EGFLAM: variants seen among roughly 807,000 people sequenced by gnomAD.
The protein encoded by EGFLAM is pikachurin.
A neutral mutation model predicts 113.1 loss-of-function variants in EGFLAM; 79 were observed. The observed-to-expected ratio is 0.70, with a 90% CI of 0.58 to 0.84. EGFLAM has a LOEUF of 0.84. Among genes scored for constraint, EGFLAM ranks in the 40% least tolerant of loss-of-function variants. EGFLAM has a pLI of 0.00. For missense variants in EGFLAM, 1,265 were observed against 1,291.6 expected (o/e 0.98, Z 0.32); for synonymous variants, 504 against 487.6 (o/e 1.03, Z -0.44).
chr5:38,455,487 G>C (rs76570077), intron 19 of EGFLAM, among the ~76,000 whole-genome samples: 2,118 of 152,272 alleles, frequency 0.014, 52 homozygotes, highest in African/African-American at 0.047. Flanking sequence ...CTGAATCACT[G>C]TCACCCAGAA....
chr5:38,443,499 TTTTG>T (rs1455706187), intron 17 of EGFLAM, among the ~76,000 whole-genome samples: 3 of 151,876 alleles, frequency 2.0e-5, no homozygotes, highest in Non-Finnish European at 4.4e-5. Flanking sequence ...TAGGGAAAGG[TTTTG>T]TTTGTTTTTC....
chr5:38,296,453 G>T lies in EGFLAM; in HGVS notation c.97+37602G>T, dbSNP rs956679023. Among the ~76,000 whole-genome samples, 4 of 152,208 alleles carry T rather than the reference G, an allele frequency of 2.6e-5. No individual in the cohort carries two copies. In the East Asian group the frequency reaches 5.8e-4, roughly 22 times the overall value. ...CAGCTGCTTCACAGTATACTCAGCT[G>T]CCTCTCACTTAAAGAGAATGGCATT... On this transcript the variant is annotated intron_variant, in intron 1 of 21. Transcript: ENST00000322350.
chr5:38,402,366 G>A (rs1741143176), intron 6 of EGFLAM, among the ~76,000 whole-genome samples: 1 of 152,148 alleles, frequency 6.6e-6, no homozygotes, highest in African/African-American at 2.4e-5. Flanking sequence ...ATCTCTCTGT[G>A]TCTATATCTC....
chr5:38,274,831 T>C (rs902905069), intron 1 of EGFLAM, among the ~76,000 whole-genome samples: 3 of 152,216 alleles, frequency 2.0e-5, no homozygotes, highest in Non-Finnish European at 4.4e-5. Flanking sequence ...AGGTGGTGTA[T>C]AAATCACTTA....
chr5:38,412,587 G>A lies in EGFLAM; in HGVS notation c.1433G>A (p.Arg478Lys), dbSNP rs1321034289. The change falls in exon 11 of 22, where the codon AGA becomes AAA. Residue 478 changes from arginine (R) to lysine (K), a missense_variant. Physicochemically the swap from Arg to Lys is conservative, Grantham distance 26. Transcript: ENST00000322350. ...GGTTGGCACACGGTTATGCTCTACAGAGATGGGCTGAACGGGCTGCTGCAG... is the reference window on the plus strand; with the variant it reads ...GGTTGGCACACGGTTATGCTCTACAAAGATGGGCTGAACGGGCTGCTGCAG... ...LGGWHTVMLY[R>K]DGLNGLLQLN... 5.0e-6 allele frequency: 8 copies of A among 1,614,156 alleles called. No individual in the cohort carries two copies. Among genetic ancestry groups the A allele is most frequent in the Non-Finnish European group, 8.5e-7 (1 of 1,180,034 alleles).
At position 38,451,289 on chromosome 5, in the gene EGFLAM, T is replaced by C. The variant is rs770360068; in HGVS notation, c.2544-26T>C. The C allele has an allele frequency of 1.2e-6, 2 of 1,603,302 alleles. 1 individual carries two copies. The highest frequency in any genetic ancestry group is 2.2e-5 in the South Asian group (2 of 90,198). On this transcript the variant is annotated intron_variant, in intron 18 of 21. Transcript: ENST00000322350. ...AAACAGATGTTGGTGGTTGATTTGG[T>C]GGACTTATTTGTGTATTTCCTCCAG...
rs1233239972 is a variant in EGFLAM, at chr5:38,463,907, C to T, written c.2951C>T (p.Thr984Ile). 3 of 1,614,112 alleles carry T rather than the reference C, an allele frequency of 1.9e-6. No individual in the cohort carries two copies. The African/African-American group carries it at 4.0e-5, about 22-fold the overall frequency. The stretch of plus-strand genomic sequence containing the variant: ...CTCGTGGGCTGTATCTCTCACTTCA[C>T]CCTGTCCACCGATTACCACATTTCC... ...RGLVGCISHF[T>I]LSTDYHISLV... The change falls in exon 22 of 22, where the codon ACC (threonine) becomes ATC (isoleucine). Residue 984 changes from threonine (T) to isoleucine (I), a missense_variant. Coordinates refer to ENST00000322350, the MANE Select transcript of EGFLAM (RefSeq NM_152403.4).
intron 1 of EGFLAM, among the ~76,000 whole-genome samples, chr5:38,274,712 C>T (rs546561356): frequency 6.6e-6 from 1 of 152,116 alleles, no homozygotes; most frequent in South Asian, 2.1e-4. Flanking sequence ...AAGGGAGTTC[C>T]TCAGGCTGAA....
chr5:38,424,827 G>T, intron 12 of EGFLAM, 140 bp from the exon 13 acceptor site: 3 of 1,180,890 alleles, frequency 2.5e-6, no homozygotes, highest in South Asian at 4.3e-5. Flanking sequence ...CCCATTTGCA[G>T]TTGTGCAGAG....
rs1283931956 is a variant in EGFLAM at position 38,344,834 on chromosome 5, T to G, written c.292-5667T>G. On this transcript the variant is annotated intron_variant, in intron 3 of 21. Transcript: ENST00000322350. ...GGAAAGGAAACACACTCCTTCCTTT[T>G]AAGGGATATCTCAAAAGTTGGCCTC... is the stretch of plus-strand genomic sequence containing the variant. 2.0e-5 allele frequency among the ~76,000 whole-genome samples: 3 copies of G among 152,172 alleles called. No individual in the cohort carries two copies. In the East Asian group the frequency reaches 5.8e-4, roughly 29 times the overall value.
chr5:38,302,417 T>A (rs1758604660), intron 1 of EGFLAM, among the ~76,000 whole-genome samples: 2 of 152,134 alleles, frequency 1.3e-5, no homozygotes, highest in African/African-American at 2.4e-5. Context: ...CTTGGGCAAG[T>A]CTCTGAGCCT....
In EGFLAM at chr5:38,427,125, C is replaced by G. The variant is rs376172633; in HGVS notation, c.1927C>G (p.Pro643Ala). 1 of 1,614,088 alleles carries G rather than the reference C, an allele frequency of 6.2e-7. No individual in the cohort carries two copies. The highest frequency in any genetic ancestry group is 8.5e-7 in the Non-Finnish European group (1 of 1,180,020). ...SFMEFEITFR[P>A]DSGDGVLLYS... ...CATGGAATTTGAGATCACATTTCGGCCAGACTCAGGAGATGGTGTCCTCCT... is the reference window on the plus strand; with the variant it reads ...CATGGAATTTGAGATCACATTTCGGGCAGACTCAGGAGATGGTGTCCTCCT... The change falls in exon 14 of 22, where the codon CCA becomes GCA. Residue 643 changes from proline (P) to alanine (A), a missense_variant. Transcript: ENST00000322350.
intron 19 of EGFLAM, among the ~76,000 whole-genome samples, chr5:38,455,505 T>A: frequency 6.6e-6 from 1 of 152,194 alleles, no homozygotes; most frequent in East Asian, 1.9e-4. Context: ...GAACAAGATA[T>A]AGAACATGTC....
chr5:38,290,049 A>G (rs1258466734), intron 1 of EGFLAM, among the ~76,000 whole-genome samples: 2 of 152,214 alleles, frequency 1.3e-5, no homozygotes, highest in African/African-American at 2.4e-5. Context: ...AGATGAGCAA[A>G]CTGAGCATTA....
intron 12 of EGFLAM, among the ~76,000 whole-genome samples, chr5:38,423,984 G>C (rs1466542996): frequency 6.6e-6 from 1 of 152,152 alleles, no homozygotes; most frequent in Non-Finnish European, 1.5e-5. Flanking sequence ...CACAGGGTGG[G>C]CTACCAGCTC....
Position 38,431,267 on chromosome 5 carries a change from G to A in EGFLAM, c.2145G>A (p.Lys715=). The A allele has an allele frequency of 6.2e-7, 1 of 1,614,166 alleles. No individual in the cohort carries two copies. Among genetic ancestry groups the A allele is most frequent in the Non-Finnish European group, 8.5e-7 (1 of 1,180,014 alleles). Residue 715 remains lysine, a synonymous_variant, in exon 15 of 22, where the codon AAG becomes AAA. Transcript: ENST00000322350. ...GAATCTTACAGGTGGATAAGCAGAA[G>A]ATAGTGGAGGGAATGGCAGAGGTAA... The part of the protein sequence containing the change: ...KNGILQVDKQ[K]IVEGMAEGGF...
intron 6 of EGFLAM, among the ~76,000 whole-genome samples, chr5:38,393,431 G>GT (rs1026358374): frequency 6.6e-6 from 1 of 152,092 alleles, no homozygotes; most frequent in Non-Finnish European, 1.5e-5. Flanking sequence ...AACTGGAGTG[G>GT]TTCGTTTTAC....
At chr5:38,358,446 CAAAAAAAAAA>C (rs34444620) in intron 5 of EGFLAM, among the ~76,000 whole-genome samples, 2 of 74,112 alleles carry the variant, frequency 2.7e-5, no homozygotes, top group East Asian at 4.7e-4. Context: ...GACTCCGTCT[CAAAAAAAAAA>C]AAAAAAAAAA....
chr5:38,455,702 G>A (rs1743064304), intron 19 of EGFLAM, among the ~76,000 whole-genome samples: 1 of 152,174 alleles, frequency 6.6e-6, no homozygotes, highest in Non-Finnish European at 1.5e-5. Context: ...CCATGGAGAA[G>A]CCAACTGAGT....
Sources: gnomAD v4.1 joint callset for allele counts (sites outside exome capture counted in the v4.1 genomes callset) on GRCh38, gnomAD v4.1.1 for gene constraint, MANE v1.5 for transcripts, NCBI Gene and HGNC (gene_info 2026-07-23, HGNC 2026-07-21) for gene names.